Variants in CSMD1 observed in about 807,000 individuals in gnomAD.
CSMD1 encodes CUB and Sushi multiple domains 1, also known as CUB and sushi domain-containing protein 1.
Under a neutral mutation model 417.5 loss-of-function variants are expected in CSMD1, and 213 were observed. The ratio of observed to expected loss-of-function variants is 0.51; its 90% confidence interval spans 0.46 to 0.57. The LOEUF is 0.57. CSMD1 is among the 20% of genes least tolerant of loss of function. The pLI is 0.00. For synonymous variants in CSMD1, 2,862 were observed against 1,736.8 expected (o/e 1.65, Z -16.11); for missense variants, 6,923 against 4,529.7 (o/e 1.53, Z -15.17).
chr8:4,020,498 G>T (rs915068419), intron 4 of CSMD1, among the ~76,000 whole-genome samples: 1 of 152,192 alleles, frequency 6.6e-6, no homozygotes, highest in African/African-American at 2.4e-5. Flanking sequence ...CCTGGGTCCA[G>T]ATCTCACCTC....
rs544084420 is a variant in CSMD1, at chr8:4,226,054, G to C, written c.415+193899C>G. On this transcript the variant is annotated intron_variant, in intron 3 of 69. Coordinates refer to ENST00000635120, the MANE Select transcript of CSMD1 (RefSeq NM_033225.6). ...CCTACTCAAGTAAGCTGGAAGGTTA[G>C]AGCTGACAGGCGGACACACACACAC... Among the ~76,000 whole-genome samples the C allele has an allele frequency of 9.8e-5, 14 of 142,804 alleles. No individual in the cohort carries two copies. In the Admixed American group the frequency reaches 1.0e-3, roughly 11 times the overall value. 93.7% of individuals were successfully genotyped at this position (142,804 alleles called of 152,430 possible). A position where few individuals can be genotyped will look rare whatever the true frequency, so the allele number is the denominator to read the frequency against.
At chr8:3,116,562 G>A (rs1240272846) in intron 42 of CSMD1, among the ~76,000 whole-genome samples, 3 of 152,134 alleles carry the variant, frequency 2.0e-5, no homozygotes, top group African/African-American at 7.2e-5. Flanking sequence ...GCAGAGTTTA[G>A]CTAATTCTAG....
At position 4,190,900 on chromosome 8, in the gene CSMD1, A is replaced by C. The variant is rs574328239; in HGVS notation, c.416-158801T>G. On this transcript the variant is annotated intron_variant, in intron 3 of 69. Coordinates refer to ENST00000635120, the MANE Select transcript of CSMD1 (RefSeq NM_033225.6). ...ACTTCTAAGAGGGAGCTAAATTGTG[A>C]GAACACATGGGTACACATAGGTGAA... Among the ~76,000 whole-genome samples, 3 of 151,632 alleles carry C rather than the reference A, an allele frequency of 2.0e-5. No individual in the cohort carries two copies. In the East Asian group the frequency reaches 5.9e-4, roughly 30 times the overall value.
chr8:3,703,315 A>C (rs1193425588), intron 7 of CSMD1, among the ~76,000 whole-genome samples: 1 of 152,218 alleles, frequency 6.6e-6, no homozygotes, highest in African/African-American at 2.4e-5. Flanking sequence ...AAGGCTGTGT[A>C]AAGAAGCTGA....
chr8:3,359,066 C>T (rs754986329), intron 21 of CSMD1, 86 bp downstream of exon 21: 33 of 1,325,664 alleles, frequency 2.5e-5, no homozygotes, highest in Non-Finnish European at 3.4e-5. Context: ...AACAAACCCC[C>T]ACCCGACCCC....
At chr8:3,024,892 T>C (rs931895037) in intron 51 of CSMD1, among the ~76,000 whole-genome samples, 2 of 152,228 alleles carry the variant, frequency 1.3e-5, no homozygotes, top group African/African-American at 2.4e-5. Context: ...ACAACTGTTG[T>C]TCGTACTGTT....
At chr8:3,154,796 C>T (rs1819415686) in intron 39 of CSMD1, among the ~76,000 whole-genome samples, 1 of 152,022 alleles carries the variant, frequency 6.6e-6, no homozygotes, top group African/African-American at 2.4e-5. Flanking sequence ...TATATACATT[C>T]TCTTCATTAG....
intron 8 of CSMD1, among the ~76,000 whole-genome samples, chr8:3,601,680 T>C (rs1333670446): frequency 6.6e-6 from 1 of 152,216 alleles, no homozygotes; most frequent in African/African-American, 2.4e-5. Flanking sequence ...AAATCATTGG[T>C]AATATGCAGA....
intron 8 of CSMD1, among the ~76,000 whole-genome samples, chr8:3,594,756 G>C (rs935798465): frequency 3.3e-5 from 5 of 152,170 alleles, no homozygotes; most frequent in Non-Finnish European, 5.9e-5. Context: ...GTATGGAAGA[G>C]TGGGAGGCTT....
At chr8:3,921,618 G>C (rs2688296) in intron 5 of CSMD1, among the ~76,000 whole-genome samples, 17,608 of 151,728 alleles carry the variant, frequency 0.12, 1,148 homozygotes, top group African/African-American at 0.18. Flanking sequence ...TCTATTTTTG[G>C]ATTTCCCTTT....
intron 5 of CSMD1, among the ~76,000 whole-genome samples, chr8:3,827,342 C>A (rs1802113220): frequency 6.6e-6 from 1 of 152,156 alleles, no homozygotes. Flanking sequence ...AAATTAATAA[C>A]TATAGACAAC....
intron 5 of CSMD1, among the ~76,000 whole-genome samples, chr8:3,965,762 C>T (rs1812641342): frequency 6.6e-6 from 1 of 152,024 alleles, no homozygotes; most frequent in South Asian, 2.1e-4. Context: ...GGACTACAGG[C>T]ATGTGACACC....
At chr8:3,478,685 C>A (rs1343493506) in intron 11 of CSMD1, among the ~76,000 whole-genome samples, 2 of 152,120 alleles carry the variant, frequency 1.3e-5, no homozygotes, top group Non-Finnish European at 2.9e-5. Context: ...GCAACTGTGA[C>A]CCGTCTGACT....
intron 10 of CSMD1, among the ~76,000 whole-genome samples, chr8:3,533,663 G>C (rs1798071965): frequency 6.6e-6 from 1 of 152,092 alleles, no homozygotes; most frequent in African/African-American, 2.4e-5. Flanking sequence ...AGGCCCATGA[G>C]CTTCACTCCA....
intron 1 of CSMD1, among the ~76,000 whole-genome samples, chr8:4,727,426 C>T (rs1809532866): frequency 6.6e-6 from 1 of 151,998 alleles, no homozygotes; most frequent in Non-Finnish European, 1.5e-5. Flanking sequence ...TAAGTCAGTC[C>T]CTGGAATTAT....
At chr8:3,936,351 A>T (rs896128347) in intron 5 of CSMD1, among the ~76,000 whole-genome samples, 3 of 152,200 alleles carry the variant, frequency 2.0e-5, no homozygotes, top group Non-Finnish European at 4.4e-5. Context: ...TTGTATTAGA[A>T]GACGATACCA....
intron 27 of CSMD1, among the ~76,000 whole-genome samples, chr8:3,227,366 C>G (rs1563162010): frequency 6.6e-6 from 1 of 152,068 alleles, no homozygotes; most frequent in Non-Finnish European, 1.5e-5. Flanking sequence ...CCCCTGCACT[C>G]CAGCCTCGGC....
At chr8:4,120,677 A>C (rs1011438821) in intron 3 of CSMD1, among the ~76,000 whole-genome samples, 2 of 152,220 alleles carry the variant, frequency 1.3e-5, no homozygotes, top group South Asian at 2.1e-4. Context: ...CTTTTAAAGA[A>C]GTAAGTTTAG....
At chr8:3,570,349 G>C (rs753150803) in intron 10 of CSMD1, among the ~76,000 whole-genome samples, 3 of 152,206 alleles carry the variant, frequency 2.0e-5, no homozygotes, top group African/African-American at 4.8e-5. Context: ...CTGGCTTCTA[G>C]ATATTTCTTT....
Sources: gnomAD v4.1 joint callset for allele counts (sites outside exome capture counted in the v4.1 genomes callset) on GRCh38, gnomAD v4.1.1 for gene constraint, MANE v1.5 for transcripts, NCBI Gene and HGNC (gene_info 2026-07-23, HGNC 2026-07-21) for gene names.